Variants in ADGRE1 observed in about 807,000 individuals in gnomAD.
The protein encoded by ADGRE1 is EGF-like module receptor 1.
In ADGRE1, 82 loss-of-function variants were observed where a neutral mutation model predicts 102.7. That is an observed-to-expected ratio of 0.80 (90% CI 0.67 to 0.96). The LOEUF (loss-of-function observed/expected upper bound fraction) is 0.96, where lower values mean the gene tolerates loss of function less well. Among genes scored for constraint, ADGRE1 ranks in the 40% least tolerant of loss-of-function variants. The probability of loss-of-function intolerance (pLI) is 0.00; values close to 1 mark genes in which losing one functional copy is unlikely to be tolerated. For missense variants in ADGRE1, 1,032 were observed against 1,085.3 expected (o/e 0.95, Z 0.69); for synonymous variants, 398 against 399.6 (o/e 1.00, Z 0.05).
intron 17 of ADGRE1, among the ~76,000 whole-genome samples, chr19:6,930,626 T>C (rs746633328): frequency 1.2e-4 from 19 of 152,082 alleles, no homozygotes; most frequent in Non-Finnish European, 2.2e-4. Context: ...TGTTTTGTTT[T>C]ATTGTTTGGT....
chr19:6,938,856 T>C (rs994343123), intron 20 of ADGRE1, among the ~76,000 whole-genome samples: 1 of 151,002 alleles, frequency 6.6e-6, no homozygotes, highest in Non-Finnish European at 1.5e-5. Context: ...AGTGCAGTGG[T>C]GTGATCTTGG....
intron 6 of ADGRE1, among the ~76,000 whole-genome samples, chr19:6,902,574 G>A (rs1216123788): frequency 2.0e-5 from 3 of 151,854 alleles, no homozygotes; most frequent in African/African-American, 7.3e-5. Context: ...CCAAGTAGAT[G>A]GGATTACAGG....
chr19:6,890,199 C>T (rs1260521229), intron 1 of ADGRE1, among the ~76,000 whole-genome samples: 3 of 152,136 alleles, frequency 2.0e-5, no homozygotes, highest in Non-Finnish European at 4.4e-5. Context: ...TATAGGTGTG[C>T]ACCACAGTGC....
At chr19:6,933,545 G>A (rs998241987) in intron 17 of ADGRE1, among the ~76,000 whole-genome samples, 3 of 151,956 alleles carry the variant, frequency 2.0e-5, no homozygotes, top group Admixed American at 1.3e-4. Flanking sequence ...GCAGCACCAC[G>A]GCCAGCTAAT....
At chr19:6,930,787 G>A (rs983692095) in intron 17 of ADGRE1, among the ~76,000 whole-genome samples, 3 of 151,894 alleles carry the variant, frequency 2.0e-5, no homozygotes, top group South Asian at 4.1e-4. Context: ...ACAGGTGTGC[G>A]CCACCACGCC....
intron 20 of ADGRE1, 152 bp downstream of exon 20, chr19:6,937,800 G>A (rs1975488456): frequency 1.7e-6 from 1 of 601,172 alleles, no homozygotes; most frequent in South Asian, 2.0e-5. Flanking sequence ...GAAGACTGGG[G>A]ATTTATATGT....
At chr19:6,901,599 A>G (rs76190936) in intron 5 of ADGRE1, among the ~76,000 whole-genome samples, 1,844 of 152,294 alleles carry the variant, frequency 0.012, 31 homozygotes, top group African/African-American at 0.037. Flanking sequence ...GACTATGGCT[A>G]CTTTTCCAAT....
intron 1 of ADGRE1, among the ~76,000 whole-genome samples, chr19:6,888,071 A>AT (rs1450066663): frequency 6.6e-6 from 1 of 152,176 alleles, no homozygotes; most frequent in Non-Finnish European, 1.5e-5. Flanking sequence ...TTGGGTCATT[A>AT]TTAGTCCTAT....
intron 2 of ADGRE1, among the ~76,000 whole-genome samples, 198 bp downstream of exon 2, chr19:6,890,741 A>G (rs1973337409): frequency 6.6e-6 from 1 of 152,148 alleles, no homozygotes; most frequent in Non-Finnish European, 1.5e-5. Context: ...GTGATCTCAG[A>G]TAAGTCACAT....
intron 2 of ADGRE1, among the ~76,000 whole-genome samples, chr19:6,891,709 G>C (rs1048661599): frequency 6.6e-6 from 1 of 152,028 alleles, no homozygotes; most frequent in Non-Finnish European, 1.5e-5. Context: ...CCAGCCTTCC[G>C]AAGTGCTGGG....
At position 6,911,385 on chromosome 19, in the gene ADGRE1, GT is replaced by G. The variant is rs772959056; in HGVS notation, c.1123-2248del. On this transcript the variant is annotated intron_variant, in intron 10 of 20. Coordinates refer to ENST00000312053, the MANE Select transcript of ADGRE1 (RefSeq NM_001974.5). ...TTTATTAGGTTCTGGATTCCTTTTA[GT>G]TTTTTTTTTTTTTTTTTTTGCTTGG... Among the ~76,000 whole-genome samples, 182 of 79,846 alleles carry G rather than the reference GT, an allele frequency of 2.3e-3. 1 individual carries two copies. The highest frequency in any genetic ancestry group is 6.8e-3 in the African/African-American group (152 of 22,432). 52.4% of individuals were successfully genotyped at this position (79,846 alleles called of 152,430 possible). A position where few individuals can be genotyped will look rare whatever the true frequency, so the allele number is the denominator to read the frequency against.
intron 14 of ADGRE1, among the ~76,000 whole-genome samples, chr19:6,923,148 T>C (rs1974741803): frequency 6.6e-6 from 1 of 152,174 alleles, no homozygotes; most frequent in Non-Finnish European, 1.5e-5. Flanking sequence ...AGGCCATAAG[T>C]AAGTGCCATT....
intron 17 of ADGRE1, among the ~76,000 whole-genome samples, chr19:6,931,144 G>A (rs1975129947): frequency 6.6e-6 from 1 of 151,390 alleles, no homozygotes; most frequent in Non-Finnish European, 1.5e-5. Context: ...GAGTTCACCT[G>A]TTTTAAATGT....
In ADGRE1 at chr19:6,928,209, G is replaced by A. The variant is rs1974999644; in HGVS notation, c.2287G>A (p.Val763Met). The change falls in exon 17 of 21, where the codon GTG becomes ATG. Residue 763 changes from valine (V) to methionine (M), a missense_variant and splice_region_variant. Physicochemically the swap from Val to Met is conservative, Grantham distance 21 (BLOSUM62 1). Transcript: ENST00000312053. ...CTTGGGGCCAGTTTGCACAGTTATAGTGGTAAGCAAATACTACAACAGCCT... is the reference window on the plus strand; with the variant it reads ...CTTGGGGCCAGTTTGCACAGTTATAATGGTAAGCAAATACTACAACAGCCT... ...SFLGPVCTVI[V>M]INSLLLTWTL... 6.2e-7 allele frequency: 1 copy of A among 1,614,090 alleles called. No individual in the cohort carries two copies. The highest frequency in any genetic ancestry group is 8.5e-7 in the Non-Finnish European group (1 of 1,180,042).
Position 6,912,435 on chromosome 19 carries a change from T to C in ADGRE1, c.1123-1218T>C, listed in dbSNP as rs1481198855. Among the ~76,000 whole-genome samples, 4 of 152,254 alleles carry C rather than the reference T, an allele frequency of 2.6e-5. No homozygotes were observed. The South Asian group carries it at 6.2e-4, about 24-fold the overall frequency. On this transcript the variant is annotated intron_variant, in intron 10 of 20. Transcript: ENST00000312053. Reference sequence around the variant, plus strand: ...ATAAATAGCCTCTACTTCATAGATATCTTCTACAAATTAAACAAGTTAATA... The same window carrying C: ...ATAAATAGCCTCTACTTCATAGATACCTTCTACAAATTAAACAAGTTAATA...
intron 1 of ADGRE1, among the ~76,000 whole-genome samples, chr19:6,890,275 C>A (rs1402430658): frequency 2.0e-5 from 3 of 152,026 alleles, no homozygotes; most frequent in African/African-American, 7.3e-5. Context: ...AAAGCAAAAG[C>A]AAAGTACAGA....
At chr19:6,932,836 A>G (rs181232343) in intron 17 of ADGRE1, among the ~76,000 whole-genome samples, 1 of 152,324 alleles carries the variant, frequency 6.6e-6, no homozygotes, top group East Asian at 1.9e-4. Context: ...GTGATGATGA[A>G]CAAACCATAT....
intron 5 of ADGRE1, chr19:6,898,276 A>G (rs201286319): frequency 1.9e-6 from 3 of 1,585,650 alleles, no homozygotes; most frequent in Non-Finnish European, 2.6e-6. Context: ...ATCTAGTATA[A>G]GTGAATTTGT....
In ADGRE1 at chr19:6,940,022, AG is replaced by A; in HGVS notation, c.2657del. On this transcript the variant is annotated splice_acceptor_variant, in intron 20 of 20. Transcript: ENST00000312053. LOFTEE classifies it high-confidence loss of function. ...CTGAGGAAATTCTTTTCTCTCTCAC[AG>A]GGTTAAAGTCCTTTCTTGCTTTCAA... 6.2e-7 allele frequency: 1 copy of A among 1,613,886 alleles called. No individual in the cohort carries two copies. The highest frequency in any genetic ancestry group is 1.1e-5 in the South Asian group (1 of 91,022).
Sources: allele counts gnomAD v4.1 joint callset (sites outside exome capture counted in the v4.1 genomes callset), GRCh38; gene constraint gnomAD v4.1.1; transcripts MANE v1.5; gene names NCBI Gene and HGNC (gene_info 2026-07-23, HGNC 2026-07-21).